The following LAMA2 variants were observed in gnomAD, a reference collection of about 807,000 sequenced individuals.
LAMA2 encodes the protein laminin subunit alpha-2.
A neutral mutation model predicts 364.8 loss-of-function variants in LAMA2; 269 were observed. That is an observed-to-expected ratio of 0.74 (90% CI 0.67 to 0.82). LAMA2 has a LOEUF of 0.82. LAMA2 is among the 40% of genes least tolerant of loss of function. The probability of loss-of-function intolerance (pLI) is 0.00; values close to 1 mark genes in which losing one functional copy is unlikely to be tolerated. For missense variants in LAMA2, 3,807 were observed against 3,873.2 expected (o/e 0.98, Z 0.45); for synonymous variants, 1,379 against 1,370.6 (o/e 1.01, Z -0.14).
chr6:129,376,544 C>T (rs1260846301), intron 34 of LAMA2, among the ~76,000 whole-genome samples: 1 of 152,130 alleles, frequency 6.6e-6, no homozygotes, highest in Non-Finnish European at 1.5e-5. Context: ...AGGATAAAGA[C>T]CAAAATTCTC....
chr6:129,233,142 C>A (rs966588678), intron 12 of LAMA2, among the ~76,000 whole-genome samples: 1 of 152,054 alleles, frequency 6.6e-6, no homozygotes, highest in Admixed American at 6.6e-5. Context: ...TAAAGGAGAC[C>A]CATATTGGAA....
intron 32 of LAMA2, among the ~76,000 whole-genome samples, chr6:129,359,297 A>T (rs978402306): frequency 6.7e-6 from 1 of 148,460 alleles, no homozygotes; most frequent in African/African-American, 2.4e-5. Flanking sequence ...AAAATATATA[A>T]AATATATACA....
chr6:129,211,865 T>G (rs987855769), intron 12 of LAMA2, among the ~76,000 whole-genome samples: 3 of 152,300 alleles, frequency 2.0e-5, no homozygotes, highest in African/African-American at 7.2e-5. Context: ...GACAACTGGA[T>G]TCTATTCTTC....
chr6:128,923,252 A>T (rs917839663), intron 1 of LAMA2, among the ~76,000 whole-genome samples: 20 of 151,754 alleles, frequency 1.3e-4, no homozygotes, highest in Non-Finnish European at 2.8e-4. Context: ...GAAGAAAGTC[A>T]TTGGTAGCTT....
chr6:128,911,438 G>A (rs188037491), intron 1 of LAMA2, among the ~76,000 whole-genome samples: 5 of 152,300 alleles, frequency 3.3e-5, no homozygotes, highest in Admixed American at 6.5e-5. Context: ...GACTAGGAAA[G>A]GGAACTCCCT....
At chr6:129,384,762 C>T (rs1778882964) in intron 35 of LAMA2, among the ~76,000 whole-genome samples, 1 of 152,022 alleles carries the variant, frequency 6.6e-6, no homozygotes, top group Non-Finnish European at 1.5e-5. Flanking sequence ...TTACCCATCA[C>T]CAAAGGTGTC....
At chr6:129,419,411 G>T (rs1780960064) in intron 40 of LAMA2, among the ~76,000 whole-genome samples, 1 of 152,022 alleles carries the variant, frequency 6.6e-6, no homozygotes, top group Non-Finnish European at 1.5e-5. Context: ...TCTAAGAATG[G>T]TATCTAACTT....
intron 33 of LAMA2, among the ~76,000 whole-genome samples, chr6:129,367,706 G>A (rs372987684): frequency 6.6e-6 from 1 of 152,128 alleles, no homozygotes; most frequent in South Asian, 2.1e-4. Flanking sequence ...TCCAGAAGAA[G>A]AAACCAATAA....
chr6:129,388,799 A>AT (rs1448949311), intron 35 of LAMA2, among the ~76,000 whole-genome samples: 2 of 152,220 alleles, frequency 1.3e-5, no homozygotes, highest in African/African-American at 4.8e-5. Context: ...AGTACAAATT[A>AT]TATCAGTAGT....
chr6:129,240,635 G>A (rs533734246), intron 12 of LAMA2, among the ~76,000 whole-genome samples: 116 of 152,304 alleles, frequency 7.6e-4, no homozygotes, highest in Middle Eastern at 3.4e-3. Context: ...ATTGATCACA[G>A]TGCTCTGGAT....
At chr6:129,417,091 C>T (rs188954146) in intron 40 of LAMA2, among the ~76,000 whole-genome samples, 10 of 152,276 alleles carry the variant, frequency 6.6e-5, no homozygotes, top group Non-Finnish European at 1.2e-4. Context: ...CTGCTCATTG[C>T]TGTCAACATG....
intron 34 of LAMA2, among the ~76,000 whole-genome samples, chr6:129,381,071 CT>C (rs766702847): frequency 2.0e-5 from 3 of 152,060 alleles, no homozygotes; most frequent in Non-Finnish European, 4.4e-5. Context: ...AAATTATGAT[CT>C]TTTGGTAATA....
intron 35 of LAMA2, among the ~76,000 whole-genome samples, chr6:129,384,821 C>T (rs1052289281): frequency 1.6e-4 from 24 of 151,868 alleles, no homozygotes; most frequent in Non-Finnish European, 3.5e-4. Context: ...TTGTGTCTGT[C>T]CAGATAGGGC....
chr6:129,132,176 T>A (rs1777523172), intron 4 of LAMA2, among the ~76,000 whole-genome samples: 1 of 151,450 alleles, frequency 6.6e-6, no homozygotes, highest in Admixed American at 6.6e-5. Flanking sequence ...CTCTTTTTTT[T>A]TTTTTTTTGA....
chr6:129,428,498 A>G (rs1364000336), intron 41 of LAMA2, among the ~76,000 whole-genome samples: 1 of 152,228 alleles, frequency 6.6e-6, no homozygotes, highest in Non-Finnish European at 1.5e-5. Flanking sequence ...TCTGTCAACC[A>G]GGCTGGAGTG....
chr6:129,292,929 CA>C, intron 20 of LAMA2: 2 of 985,928 alleles, frequency 2.0e-6, no homozygotes, highest in Non-Finnish European at 1.2e-6. Context: ...CGTAGGGAAA[CA>C]GTGCAACCTC....
chr6:129,055,176 TTTATTA>T (rs1554207591), intron 2 of LAMA2, among the ~76,000 whole-genome samples: 14 of 123,758 alleles, frequency 1.1e-4, no homozygotes, highest in African/African-American at 4.0e-4. Flanking sequence ...ATTATTATTA[TTTATTA>T]TTATTATTAT....
intron 12 of LAMA2, among the ~76,000 whole-genome samples, chr6:129,242,969 A>G (rs1785494912): frequency 6.6e-6 from 1 of 152,116 alleles, no homozygotes; most frequent in Admixed American, 6.6e-5. Context: ...TTGCAAATCT[A>G]TTCATAGGAG....
At chr6:128,894,086 TA>T (rs1374781663) in intron 1 of LAMA2, among the ~76,000 whole-genome samples, 3 of 152,094 alleles carry the variant, frequency 2.0e-5, no homozygotes, top group Non-Finnish European at 4.4e-5. Context: ...CAAAACTCAG[TA>T]AGTGGTAGTT....
Sources: allele counts gnomAD v4.1 joint callset (sites outside exome capture counted in the v4.1 genomes callset), GRCh38; gene constraint gnomAD v4.1.1; transcripts MANE v1.5; gene names NCBI Gene and HGNC (gene_info 2026-07-23, HGNC 2026-07-21).